USF1: variants seen among roughly 807,000 people sequenced by gnomAD.
The protein encoded by USF1 is upstream transcription factor 1, also known as upstream stimulatory factor 1.
A neutral mutation model predicts 46.3 loss-of-function variants in USF1; 22 were observed. The ratio of observed to expected loss-of-function variants is 0.47; its 90% confidence interval spans 0.34 to 0.68. The LOEUF is 0.68. Among genes scored for constraint, USF1 ranks in the 30% least tolerant of loss-of-function variants. USF1 has a pLI of 0.01. For synonymous variants in USF1, 150 were observed against 147.0 expected, an observed-to-expected ratio of 1.02 and a Z score of -0.15; for missense variants, 287 against 399.3, an observed-to-expected ratio of 0.72 and a Z score of 2.40.
At position 161,042,823 on chromosome 1, in the gene USF1, T is replaced by A. The variant is rs575011068; in HGVS notation, c.58+10A>T. The A allele has an allele frequency of 1.6e-4, 254 of 1,614,242 alleles. 2 individuals carry two copies. The South Asian group carries it at 2.7e-3, about 17-fold the overall frequency. ...GGGTTCTTAGTCTTGGTTCTGTTTC[T>A]AGCACTCACCTTCCTGAATCTGCAC... On this transcript the variant is annotated intron_variant, in intron 3 of 10. Coordinates refer to ENST00000368021, the MANE Select transcript of USF1 (RefSeq NM_007122.5).
intron 1 of USF1, among the ~76,000 whole-genome samples, chr1:161,044,024 C>T (rs1287946009): frequency 6.8e-6 from 1 of 147,316 alleles, no homozygotes; most frequent in Non-Finnish European, 1.5e-5. Flanking sequence ...CGGCTTACAA[C>T]CTCCATCTCC....
chr1:161,041,447 G>A (rs781313105), intron 6 of USF1, 36 bp from the exon 7 acceptor site: 1 of 1,600,312 alleles, frequency 6.2e-7, no homozygotes, highest in Non-Finnish European at 8.5e-7. Flanking sequence ...TCAGGACATG[G>A]GTAGGAACCT....
chr1:161,039,301 G>GAA lies in USF1; in HGVS notation c.*617_*618dup, dbSNP rs1195547741. ...AAAAAAAAAAAAAAAAAAAAAAAAA[G>GAA]AAAAGAAAAAAAAAAAACGACCCCC... On this transcript the variant is annotated 3_prime_UTR_variant, in exon 11 of 11. Transcript: ENST00000368021. The GAA allele has an allele frequency of 5.9e-5, 4 of 67,306 alleles. No homozygotes were observed. The highest frequency in any genetic ancestry group is 5.3e-4 in the South Asian group (1 of 1,882). 4.2% of individuals were successfully genotyped at this position (67,306 alleles called of 1,614,324 possible).
At chr1:161,041,067 G>A (rs577882038) in intron 7 of USF1, among the ~76,000 whole-genome samples, 195 bp from the exon 8 acceptor site, 4 of 151,942 alleles carry the variant, frequency 2.6e-5, no homozygotes, top group Non-Finnish European at 4.4e-5. Context: ...TTCGAGACCA[G>A]CCTGGCCAAC....
At chr1:161,042,768 G>A (rs767981014) in intron 3 of USF1, 65 bp downstream of exon 3, 27 of 1,612,096 alleles carry the variant, frequency 1.7e-5, no homozygotes, top group African/African-American at 4.0e-5. Flanking sequence ...ACAGGAGATG[G>A]TCTGGTGGGG....
intron 2 of USF1, 61 bp downstream of exon 2, chr1:161,043,207 C>T: frequency 6.2e-7 from 1 of 1,613,908 alleles, no homozygotes; most frequent in South Asian, 1.1e-5. Context: ...TGCTCTTGGT[C>T]ATTTTGCATT....
In USF1 at chr1:161,039,307, A is replaced by G. The variant is rs1650411987; in HGVS notation, c.*613T>C. The G allele has an allele frequency of 1.0e-5, 1 of 100,084 alleles. No individual in the cohort carries two copies. Among genetic ancestry groups the G allele is most frequent in the South Asian group, 4.1e-4 (1 of 2,420 alleles). 6.2% of individuals were successfully genotyped at this position (100,084 alleles called of 1,614,324 possible). A position where few individuals can be genotyped will look rare whatever the true frequency, so the allele number is the denominator to read the frequency against. ...AAAAAAAAAAAAAAAAAAAGAAAAG[A>G]AAAAAAAAAAACGACCCCCACAAGG... is the stretch of plus-strand genomic sequence containing the variant. On this transcript the variant is annotated 3_prime_UTR_variant, in exon 11 of 11. Transcript: ENST00000368021.
chr1:161,042,870 T>C lies in USF1; in HGVS notation c.21A>G (p.Thr7=). ...GCACTGTCCCCTCTTCCGTTTCAGC[T>C]GTTTTCTGCTGCCTGTTTGTGGTGA... The part of the protein sequence containing the change: MKGQQK[T]AETEEGTVQI... Residue 7 remains threonine, a synonymous_variant, in exon 3 of 11, where the codon ACA becomes ACG. Coordinates refer to ENST00000368021, the MANE Select transcript of USF1 (RefSeq NM_007122.5). 1 of 1,614,218 alleles carries C rather than the reference T, an allele frequency of 6.2e-7. No homozygotes were observed. Among genetic ancestry groups the C allele is most frequent in the Admixed American group, 1.7e-5 (1 of 60,018 alleles).
At position 161,039,804 on chromosome 1, in the gene USF1, G is replaced by C; in HGVS notation, c.*116C>G. 2 of 1,077,656 alleles carry C rather than the reference G, an allele frequency of 1.9e-6. No homozygotes were observed. The highest frequency in any genetic ancestry group is 2.7e-6 in the Non-Finnish European group (2 of 734,454). The allele number at this position is 1,077,656 out of a possible 1,614,324, so 66.8% of individuals were successfully genotyped here. ...GCCTCAGTTCAAGGACACACCTTCT[G>C]AACTTCCCCCTGTCCCATGCCAGAA... is the stretch of plus-strand genomic sequence containing the variant. On this transcript the variant is annotated 3_prime_UTR_variant, in exon 11 of 11. Coordinates refer to ENST00000368021, the MANE Select transcript of USF1 (RefSeq NM_007122.5).
Position 161,040,884 on chromosome 1 carries a change from G to A in USF1, c.561-12C>T. 1 of 1,613,984 alleles carries A rather than the reference G, an allele frequency of 6.2e-7. No homozygotes were observed. The highest frequency in any genetic ancestry group is 1.1e-5 in the South Asian group (1 of 91,064). On this transcript the variant is annotated splice_polypyrimidine_tract_variant and intron_variant, in intron 7 of 10. Coordinates refer to ENST00000368021, the MANE Select transcript of USF1 (RefSeq NM_007122.5). The surrounding 1 kb of genome is among the most constrained non-coding windows in gnomAD (Gnocchi z 4.0). ...GAGCTTCTGACTTCCTGACAACAGA[G>A]CCCAGGGTGGCCAGAGTAAGAAGAC...
chr1:161,040,016 T>C lies in USF1; in HGVS notation c.844-7A>G, dbSNP rs764612160. 5.0e-6 allele frequency: 8 copies of C among 1,613,978 alleles called. No homozygotes were observed. In the African/African-American group the frequency reaches 6.7e-5, roughly 13 times the overall value. On this transcript the variant is annotated splice_region_variant and splice_polypyrimidine_tract_variant and intron_variant, in intron 10 of 10. Coordinates refer to ENST00000368021, the MANE Select transcript of USF1 (RefSeq NM_007122.5). This position sits in a 1 kb window ranked among gnomAD's most constrained non-coding sequence, Gnocchi z 4.0. The stretch of plus-strand genomic sequence containing the variant: ...TGTTTTTAAGATCTTCCACCTGACA[T>C]GGGAAGGAGGCAGTAAAGGGAATGG...
In USF1 at chr1:161,042,063, T is replaced by C. The variant is rs1280046523; in HGVS notation, c.276+53A>G. On this transcript the variant is annotated intron_variant, in intron 5 of 10. Coordinates refer to ENST00000368021, the MANE Select transcript of USF1 (RefSeq NM_007122.5). ...TTCACCCCCATCCTACTGATTCCCT[T>C]CTTCATCTTACTTCTCAGAACTCTA... 26 of 1,554,316 alleles carry C rather than the reference T, an allele frequency of 1.7e-5. No individual in the cohort carries two copies. In the Admixed American group the frequency reaches 4.8e-4, roughly 29 times the overall value.
At position 161,040,792 on chromosome 1, in the gene USF1, G is replaced by C. The variant is rs1294124823; in HGVS notation, c.619+22C>G. ...CTGAGATCACACCAGACAGCTTCTA[G>C]CTCCACCCAGATCATACCTACCTTC... On this transcript the variant is annotated intron_variant, in intron 8 of 10. Transcript: ENST00000368021. The surrounding 1 kb of genome is among the most constrained non-coding windows in gnomAD (Gnocchi z 4.0). The C allele has an allele frequency of 6.2e-7, 1 of 1,614,018 alleles. No homozygotes were observed. Among genetic ancestry groups the C allele is most frequent in the African/African-American group, 1.3e-5 (1 of 74,994 alleles).
chr1:161,042,096 C>G lies in USF1; in HGVS notation c.276+20G>C. 1 of 1,602,326 alleles carries G rather than the reference C, an allele frequency of 6.2e-7. No homozygotes were observed. The highest frequency in any genetic ancestry group is 8.5e-7 in the Non-Finnish European group (1 of 1,173,050). On this transcript the variant is annotated intron_variant, in intron 5 of 10. Transcript: ENST00000368021. ...TTACTTCTCAGAACTCTAGTGACCT[C>G]CCCAGCCCATACCCTGTACCTGGGT...
chr1:161,039,920 T>C lies in USF1; in HGVS notation c.933A>G (p.Ter311=). ...LEVVIKNDSN[*] ...GCCCAAAGCCCCTGAATCCCCATAGTTAGTTGCTGTCATTCTTGATGACGA... is the reference window on the plus strand; with the variant it reads ...GCCCAAAGCCCCTGAATCCCCATAGCTAGTTGCTGTCATTCTTGATGACGA... Residue 311 remains the stop codon, a stop_retained_variant, in exon 11 of 11, where the codon TAA becomes TAG. Transcript: ENST00000368021. 6.2e-7 allele frequency: 1 copy of C among 1,614,168 alleles called. No homozygotes were observed. The highest frequency in any genetic ancestry group is 1.3e-5 in the African/African-American group (1 of 75,066).
Position 161,044,730 on chromosome 1 carries a change from G to T in USF1, c.-86+1128C>A, listed in dbSNP as rs556973489. Among the ~76,000 whole-genome samples the T allele has an allele frequency of 4.0e-4, 61 of 151,626 alleles. No individual in the cohort carries two copies. The South Asian group carries it at 5.6e-3, about 14-fold the overall frequency. On this transcript the variant is annotated intron_variant, in intron 1 of 10. Coordinates refer to ENST00000368021, the MANE Select transcript of USF1 (RefSeq NM_007122.5). ...GGGTTCTGAAGAAGAGACAAAGGGG[G>T]AAGAATCCACCTACAAGCTCTGCCT... is the stretch of plus-strand genomic sequence containing the variant.
rs1557906814 is a variant in USF1, at chr1:161,042,625, C to T, written c.104G>A (p.Ser35Asn). Residue 35 changes from serine (S) to asparagine (N), a missense_variant, in exon 4 of 11, where the codon AGC becomes AAC. By Grantham distance (46) the Ser-to-Asn change is conservative (BLOSUM62 1). Transcript: ENST00000368021. ...GEDPTSVAIASIQSAATFPDP... is the reference protein window; with the variant it reads ...GEDPTSVAIANIQSAATFPDP... ...AGGGAAGGTGGCAGCTGACTGGATG[C>T]TGGCAATAGCCACACTGGTTGGGTC... 1.2e-6 allele frequency: 2 copies of T among 1,614,258 alleles called. No individual in the cohort carries two copies. The highest frequency in any genetic ancestry group is 1.7e-6 in the Non-Finnish European group (2 of 1,180,054).
intron 1 of USF1, 37 bp from the exon 2 acceptor site, chr1:161,043,397 A>G (rs1650655700): frequency 6.7e-7 from 1 of 1,499,378 alleles, no homozygotes; most frequent in African/African-American, 1.4e-5. Flanking sequence ...GAGTTTAGGA[A>G]ACAGAACAGT....
Position 161,042,164 on chromosome 1 carries a change from C to T in USF1, c.228G>A (p.Glu76=). 1 of 1,614,044 alleles carries T rather than the reference C, an allele frequency of 6.2e-7. No individual in the cohort carries two copies. ...GGTAGCCACTGATGGCGCCAGTTCCCTCAGTTTGGCCATCCAGCTGCCCCT... is the reference window on the plus strand; with the variant it reads ...GGTAGCCACTGATGGCGCCAGTTCCTTCAGTTTGGCCATCCAGCTGCCCCT... ...VSEGQLDGQT[E]GTGAISGYPA... is the part of the protein sequence containing the mutation. The change falls in exon 5 of 11, where the codon GAG becomes GAA. Residue 76 remains glutamate (E), a synonymous_variant. Coordinates refer to ENST00000368021, the MANE Select transcript of USF1 (RefSeq NM_007122.5).
Sources: allele counts gnomAD v4.1 joint callset (sites outside exome capture counted in the v4.1 genomes callset), GRCh38; gene constraint gnomAD v4.1.1; non-coding constraint Gnocchi (gnomAD v3.1); transcripts MANE v1.5; gene names NCBI Gene and HGNC (gene_info 2026-07-23, HGNC 2026-07-21).